Variants in KIRREL3 observed in about 807,000 individuals in gnomAD.
The protein encoded by KIRREL3 is kin of IRRE-like protein 3.
In KIRREL3, 36 loss-of-function variants were observed where a neutral mutation model predicts 89.7. The ratio of observed to expected loss-of-function variants is 0.40; its 90% CI spans 0.31 to 0.53. The LOEUF (loss-of-function observed/expected upper bound fraction) is 0.53, where lower values mean the gene tolerates loss of function less well. KIRREL3 is among the 20% of genes least tolerant of loss of function. The probability of loss-of-function intolerance (pLI) is 0.49; values close to 1 mark genes in which losing one functional copy is unlikely to be tolerated. For synonymous variants in KIRREL3, 445 were observed against 441.4 expected (o/e 1.01, Z -0.10); for missense variants, 864 against 1,056.6 (o/e 0.82, Z 2.53).
chr11:126,931,566 A>G lies in KIRREL3; in HGVS notation c.55+68889T>C, dbSNP rs1189338760. 6.6e-6 allele frequency among the ~76,000 whole-genome samples: 1 copy of G among 152,226 alleles called. No homozygotes were observed. Among genetic ancestry groups the G allele is most frequent in the Non-Finnish European group, 1.5e-5 (1 of 68,034 alleles). ...CTTAAGTAAGCCCTCTTGGCTAGTC[A>G]TTCTAGAGAATGAAGCTGTTTTATG... is the stretch of plus-strand genomic sequence containing the variant. On this transcript the variant is annotated intron_variant, in intron 1 of 16. Coordinates refer to ENST00000525144, the MANE Select transcript of KIRREL3 (RefSeq NM_032531.4). This position sits in a 1 kb window ranked among gnomAD's most constrained non-coding sequence, Gnocchi z 5.1.
chr11:126,609,488 G>A lies in KIRREL3; in HGVS notation c.56-46576C>T, dbSNP rs1445893419. 1.3e-5 allele frequency among the ~76,000 whole-genome samples: 2 copies of A among 152,302 alleles called. No homozygotes were observed. The highest frequency in any genetic ancestry group is 4.1e-4 in the South Asian group (2 of 4,824). ...GCCTACCTGAAGTGAATGTGAGGCC[G>A]AGAGGCTTCGTGAAAGGTTAAGTGG... On this transcript the variant is annotated intron_variant, in intron 1 of 16. Coordinates refer to ENST00000525144, the MANE Select transcript of KIRREL3 (RefSeq NM_032531.4). This position sits in a 1 kb window ranked among gnomAD's most constrained non-coding sequence, Gnocchi z 5.0.
rs137959775 is a variant in KIRREL3 at position 126,739,557 on chromosome 11, C to T, written c.56-176645G>A. 4.0e-3 allele frequency among the ~76,000 whole-genome samples: 614 copies of T among 152,244 alleles called. 10 individuals carry two copies. Among genetic ancestry groups the T allele is most frequent in the African/African-American group, 0.012 (479 of 41,536 alleles). On this transcript the variant is annotated intron_variant, in intron 1 of 16. Transcript: ENST00000525144. This position sits in a 1 kb window ranked among gnomAD's most constrained non-coding sequence, Gnocchi z 5.5. Reference sequence around the variant, plus strand: ...TCCAGGCAGCTGGTGCTGACAGTGGCCTGTTCATACTCTTCCTGAAGGTAT... The same window carrying T: ...TCCAGGCAGCTGGTGCTGACAGTGGTCTGTTCATACTCTTCCTGAAGGTAT...
At position 126,624,880 on chromosome 11, in the gene KIRREL3, C is replaced by G. The variant is rs1943717129; in HGVS notation, c.56-61968G>C. ...GAGATAGCCTGCACTTTCTCCAGAC[C>G]TACCATCAGTAAGGATGGTGGAAAT... On this transcript the variant is annotated intron_variant, in intron 1 of 16. Transcript: ENST00000525144. The surrounding 1 kb of genome is among the most constrained non-coding windows in gnomAD (Gnocchi z 6.0). Among the ~76,000 whole-genome samples the G allele has an allele frequency of 6.6e-6, 1 of 152,172 alleles. No individual in the cohort carries two copies. The highest frequency in any genetic ancestry group is 1.5e-5 in the Non-Finnish European group (1 of 68,032).
At position 126,724,236 on chromosome 11, in the gene KIRREL3, T is replaced by C. The variant is rs940798482; in HGVS notation, c.56-161324A>G. 6.6e-5 allele frequency among the ~76,000 whole-genome samples: 10 copies of C among 152,228 alleles called. No homozygotes were observed. The highest frequency in any genetic ancestry group is 2.4e-4 in the African/African-American group (10 of 41,462). On this transcript the variant is annotated intron_variant, in intron 1 of 16. Coordinates refer to ENST00000525144, the MANE Select transcript of KIRREL3 (RefSeq NM_032531.4). The surrounding 1 kb of genome is among the most constrained non-coding windows in gnomAD (Gnocchi z 4.3). ...TGCCACGGCAAGGAGAAGATCACTTTCTGTGTAAGATTTCTGATTCCTGTC... is the reference window on the plus strand; with the variant it reads ...TGCCACGGCAAGGAGAAGATCACTTCCTGTGTAAGATTTCTGATTCCTGTC...
At chr11:126,893,264 G>A (rs966253994) in intron 1 of KIRREL3, among the ~76,000 whole-genome samples, 4 of 152,142 alleles carry the variant, frequency 2.6e-5, no homozygotes, top group East Asian at 3.9e-4. Context: ...CGGAACGTCC[G>A]TCATGCATTG....
At position 126,425,620 on chromosome 11, in the gene KIRREL3, A is replaced by T. The variant is rs775901411; in HGVS notation, c.1893+18T>A. On this transcript the variant is annotated intron_variant, in intron 16 of 16. Coordinates refer to ENST00000525144, the MANE Select transcript of KIRREL3 (RefSeq NM_032531.4). ...CCAGATTCCATGGCTGTGTCTTATA[A>T]CCCGGGGCCCTTCTTACCTTCAGGT... 15 of 1,559,842 alleles carry T rather than the reference A, an allele frequency of 9.6e-6. No homozygotes were observed. In the East Asian group the frequency reaches 3.5e-4, roughly 37 times the overall value.
rs968047758 is a variant in KIRREL3 at position 126,734,894 on chromosome 11, G to T, written c.56-171982C>A. Among the ~76,000 whole-genome samples, 7 of 152,290 alleles carry T rather than the reference G, an allele frequency of 4.6e-5. No individual in the cohort carries two copies. Among genetic ancestry groups the T allele is most frequent in the African/African-American group, 1.7e-4 (7 of 41,568 alleles). On this transcript the variant is annotated intron_variant, in intron 1 of 16. Coordinates refer to ENST00000525144, the MANE Select transcript of KIRREL3 (RefSeq NM_032531.4). This position sits in a 1 kb window ranked among gnomAD's most constrained non-coding sequence, Gnocchi z 5.9. ...GGGGAGGACAGTGTTAATTGTGGCA[G>T]GATGGGGTTTGTGGTTGGAACGGTG...
At chr11:126,706,864 T>A (rs1445682592) in intron 1 of KIRREL3, among the ~76,000 whole-genome samples, 1 of 152,178 alleles carries the variant, frequency 6.6e-6, no homozygotes, top group African/African-American at 2.4e-5. Context: ...GTAAGAACTC[T>A]TAGATGACAA....
rs1432323456 is a variant in KIRREL3, at chr11:126,965,672, A to AT, written c.55+34782_55+34783insA. ...GAGGTCAGAGCCATGGATAATCGAAACCTCAGCCAAAAGAAGATCAATAAA... is the reference window on the plus strand; with the variant it reads ...GAGGTCAGAGCCATGGATAATCGAAATCCTCAGCCAAAAGAAGATCAATAAA... On this transcript the variant is annotated intron_variant, in intron 1 of 16. Coordinates refer to ENST00000525144, the MANE Select transcript of KIRREL3 (RefSeq NM_032531.4). This position sits in a 1 kb window ranked among gnomAD's most constrained non-coding sequence, Gnocchi z 4.4. Among the ~76,000 whole-genome samples the AT allele has an allele frequency of 6.6e-6, 1 of 152,178 alleles. No individual in the cohort carries two copies. Among genetic ancestry groups the AT allele is most frequent in the Non-Finnish European group, 1.5e-5 (1 of 68,026 alleles).
chr11:126,442,869 T>TAA (rs1955635168), intron 10 of KIRREL3, among the ~76,000 whole-genome samples: 1 of 152,214 alleles, frequency 6.6e-6, no homozygotes, highest in Non-Finnish European at 1.5e-5. Flanking sequence ...CCTCCAGCTT[T>TAA]TCTCTGCCTG....
intron 1 of KIRREL3, among the ~76,000 whole-genome samples, chr11:126,834,720 T>G (rs112540966): frequency 6.6e-6 from 1 of 152,240 alleles, no homozygotes; most frequent in Non-Finnish European, 1.5e-5. Flanking sequence ...CCGGCGCACC[T>G]CATGCTGGAC....
chr11:126,821,500 G>A (rs1943226896), intron 1 of KIRREL3, among the ~76,000 whole-genome samples: 1 of 151,408 alleles, frequency 6.6e-6, no homozygotes, highest in Non-Finnish European at 1.5e-5. Context: ...AACTATTAGG[G>A]TCCCCAGCTC....
intron 1 of KIRREL3, among the ~76,000 whole-genome samples, chr11:126,974,373 G>A (rs1949510746): frequency 6.6e-6 from 1 of 152,076 alleles, no homozygotes; most frequent in African/African-American, 2.4e-5. Context: ...CTTTGTGTAA[G>A]CATCATAGAG....
Position 126,544,096 on chromosome 11 carries a change from A to G in KIRREL3, c.134-17409T>C, listed in dbSNP as rs942283815. On this transcript the variant is annotated intron_variant, in intron 2 of 16. Coordinates refer to ENST00000525144, the MANE Select transcript of KIRREL3 (RefSeq NM_032531.4). The surrounding 1 kb of genome is among the most constrained non-coding windows in gnomAD (Gnocchi z 5.6). ...GCATGGAGTGCCCCTGGAGGTGGCG[A>G]CAGCTCCTCTAATAAGAGAGTTACT... 2 of 152,266 alleles carry G rather than the reference A, an allele frequency of 1.3e-5. No individual in the cohort carries two copies. The highest frequency in any genetic ancestry group is 6.5e-5 in the Admixed American group (1 of 15,286). 9.4% of individuals were successfully genotyped at this position (152,266 alleles called of 1,614,324 possible).
At position 126,843,171 on chromosome 11, in the gene KIRREL3, G is replaced by A. The variant is rs1325289967; in HGVS notation, c.55+157284C>T. On this transcript the variant is annotated intron_variant, in intron 1 of 16. Coordinates refer to ENST00000525144, the MANE Select transcript of KIRREL3 (RefSeq NM_032531.4). This position sits in a 1 kb window ranked among gnomAD's most constrained non-coding sequence, Gnocchi z 4.6. Reference sequence around the variant, plus strand: ...GAGCAGCAAGTGATGACACAGAGCAGCTCTCTGGGAGGAAGATACGGTCTC... The same window carrying A: ...GAGCAGCAAGTGATGACACAGAGCAACTCTCTGGGAGGAAGATACGGTCTC... 6.6e-6 allele frequency among the ~76,000 whole-genome samples: 1 copy of A among 152,158 alleles called. No individual in the cohort carries two copies. The highest frequency in any genetic ancestry group is 1.5e-5 in the Non-Finnish European group (1 of 68,038).
chr11:126,473,245 G>GCCCCCCCCCCC lies in KIRREL3; in HGVS notation c.591+63_591+64insGGGGGGGGGGG. The GCCCCCCCCCCC allele has an allele frequency of 3.8e-5, 16 of 420,430 alleles. No homozygotes were observed. In the Admixed American group the frequency reaches 4.9e-4, roughly 13 times the overall value. 26.0% of individuals were successfully genotyped at this position (420,430 alleles called of 1,614,324 possible). A position where few individuals can be genotyped will look rare whatever the true frequency, so the allele number is the denominator to read the frequency against. ...TCCCCATCAACTCCCTGTCCACCTA[G>GCCCCCCCCCCC]CCCCCTCCCCACCCACTCCCCTTGA... On this transcript the variant is annotated intron_variant, in intron 5 of 16. Transcript: ENST00000525144.
At chr11:126,637,262 T>G (rs1314527181) in intron 1 of KIRREL3, among the ~76,000 whole-genome samples, 1 of 152,234 alleles carries the variant, frequency 6.6e-6, no homozygotes, top group African/African-American at 2.4e-5. Context: ...TCAGAGTAAC[T>G]GGGAAAATTC....
rs775727728 is a variant in KIRREL3, at chr11:126,444,998, C to G, written c.1233G>C (p.Glu411Asp). The G allele has an allele frequency of 8.1e-6, 13 of 1,613,728 alleles. No homozygotes were observed. Among genetic ancestry groups the G allele is most frequent in the Non-Finnish European group, 1.1e-5 (13 of 1,179,790 alleles). The change falls in exon 10 of 17, where the codon GAG becomes GAC. Residue 411 changes from glutamate (E) to aspartate (D), a missense_variant. Glu to Asp is a conservative substitution (Grantham distance 45). Coordinates refer to ENST00000525144, the MANE Select transcript of KIRREL3 (RefSeq NM_032531.4). The stretch of plus-strand genomic sequence containing the variant: ...TCTTACCATTGACGGTCAGGGTCAC[C>G]TCTCTCTCCCCGGCTCCCACACGGG... The part of the protein sequence containing the change: ...VVPRVGAGER[E>D]VTLTVNGPPI...
chr11:126,884,397 G>T (rs755013010), intron 1 of KIRREL3, among the ~76,000 whole-genome samples: 2 of 152,180 alleles, frequency 1.3e-5, no homozygotes, highest in Non-Finnish European at 2.9e-5. Context: ...AGCCCAACCT[G>T]CAGGTATGTC....
Sources: allele counts gnomAD v4.1 joint callset (sites outside exome capture counted in the v4.1 genomes callset), GRCh38; gene constraint gnomAD v4.1.1; non-coding constraint Gnocchi (gnomAD v3.1); transcripts MANE v1.5; gene names NCBI Gene and HGNC (gene_info 2026-07-23, HGNC 2026-07-21).